The following EOGT variants were observed in gnomAD, a reference collection of about 807,000 sequenced individuals.
The protein encoded by EOGT is EGF domain-specific O-linked N-acetylglucosamine transferase.
In EOGT, 55 loss-of-function variants were observed where a neutral mutation model predicts 70.5. The ratio of observed to expected loss-of-function variants is 0.78; its 90% CI spans 0.63 to 0.98. The LOEUF is 0.98. Among genes scored for constraint, EOGT ranks in the 50% least tolerant of loss-of-function variants. The pLI, the probability that EOGT is intolerant of heterozygous loss-of-function variation, is 0.00. For missense variants in EOGT, 703 were observed against 641.9 expected (o/e 1.10, Z -1.03); for synonymous variants, 246 against 217.1 (o/e 1.13, Z -1.17).
chr3:68,996,093 A>T (rs2091140037), intron 10 of EOGT, among the ~76,000 whole-genome samples: 1 of 152,230 alleles, frequency 6.6e-6, no homozygotes, highest in Admixed American at 6.5e-5. Context: ...GAAGAAAAGA[A>T]AGGGATTGTT....
rs1406985331 is a variant in EOGT at position 68,988,561 on chromosome 3, G to A, written c.941C>T (p.Ala314Val). The part of the protein sequence containing the change: ...YDSKRVCFKE[A>V]VFSLLPRMRY... ...CATGCGGGGGAGTAATGAAAAAACA[G>A]CTTCTTTAAAACATACCTAAGAACA... The change falls in exon 12 of 18, where the codon GCT becomes GTT. Residue 314 changes from alanine (A) to valine (V), a missense_variant. Ala to Val is a moderately conservative substitution (Grantham distance 64, BLOSUM62 0). Coordinates refer to ENST00000383701, the MANE Select transcript of EOGT (RefSeq NM_001278689.2). 1.3e-6 allele frequency: 2 copies of A among 1,531,648 alleles called. No individual in the cohort carries two copies. The highest frequency in any genetic ancestry group is 1.4e-5 in the African/African-American group (1 of 72,800). 94.9% of individuals were successfully genotyped at this position (1,531,648 alleles called of 1,614,324 possible).
At chr3:68,983,441 C>T (rs1307898247) in intron 14 of EOGT, among the ~76,000 whole-genome samples, 1 of 152,226 alleles carries the variant, frequency 6.6e-6, no homozygotes, top group Non-Finnish European at 1.5e-5. Context: ...AGTAACAAAG[C>T]ATTGTTAATC....
chr3:68,992,977 G>A (rs1384009132), intron 10 of EOGT, among the ~76,000 whole-genome samples: 2 of 152,210 alleles, frequency 1.3e-5, no homozygotes, highest in Non-Finnish European at 2.9e-5. Flanking sequence ...AAGTCCCTAG[G>A]CTGCATACAG....
chr3:68,980,218 T>C (rs13072064), intron 15 of EOGT, among the ~76,000 whole-genome samples: 18,436 of 152,260 alleles, frequency 0.12, 1,356 homozygotes, highest in Middle Eastern at 0.22. Flanking sequence ...TAAAGAGATG[T>C]TGTGACACAC....
chr3:68,976,172 T>A lies in EOGT; in HGVS notation c.*1446A>T, dbSNP rs1456925127. Reference sequence around the variant, plus strand: ...TTTTAGAGCTTCTTTTTCACTTTCATTGAATAAGTCACATGTCTTTAGTTT... The same window carrying A: ...TTTTAGAGCTTCTTTTTCACTTTCAATGAATAAGTCACATGTCTTTAGTTT... On this transcript the variant is annotated 3_prime_UTR_variant, in exon 18 of 18. Transcript: ENST00000383701. 1 of 152,218 alleles carries A rather than the reference T, an allele frequency of 6.6e-6. No homozygotes were observed. The highest frequency in any genetic ancestry group is 1.5e-5 in the Non-Finnish European group (1 of 68,034). The allele number at this position is 152,218 out of a possible 1,614,324, so 9.4% of individuals were successfully genotyped here.
chr3:68,977,478 T>G lies in EOGT; in HGVS notation c.*140A>C. On this transcript the variant is annotated 3_prime_UTR_variant, in exon 18 of 18. Transcript: ENST00000383701. ...AAACACTTAACATCTATACAACACA[T>G]AACAATATCCTGAAGGTATGTTTTG... The G allele has an allele frequency of 2.4e-6, 2 of 827,444 alleles. No homozygotes were observed. Among genetic ancestry groups the G allele is most frequent in the Non-Finnish European group, 3.8e-6 (2 of 522,754 alleles). The allele number at this position is 827,444 out of a possible 1,614,324, so 51.3% of individuals were successfully genotyped here. A position where few individuals can be genotyped will look rare whatever the true frequency, so the allele number is the denominator to read the frequency against.
intron 10 of EOGT, among the ~76,000 whole-genome samples, chr3:68,994,723 G>A (rs916979810): frequency 2.0e-5 from 3 of 152,148 alleles, no homozygotes; most frequent in African/African-American, 7.2e-5. Flanking sequence ...CCTGGGAAGC[G>A]GAAGTTGCAG....
At chr3:69,013,486 G>GCTACCA (rs2091631434) in intron 1 of EOGT, 88 bp downstream of exon 1, 1 of 152,452 alleles carries the variant, frequency 6.6e-6, no homozygotes, top group Non-Finnish European at 1.5e-5. Flanking sequence ...GCCGGGAGCG[G>GCTACCA]CTACCACCCG....
chr3:69,012,214 T>G (rs2091594077), intron 2 of EOGT, among the ~76,000 whole-genome samples: 1 of 152,138 alleles, frequency 6.6e-6, no homozygotes, highest in South Asian at 2.1e-4. Flanking sequence ...TCGGACCAGA[T>G]TCCAATGGGG....
chr3:68,985,151 G>C (rs1251381500), intron 14 of EOGT, among the ~76,000 whole-genome samples: 2 of 152,114 alleles, frequency 1.3e-5, no homozygotes, highest in Non-Finnish European at 1.5e-5. Flanking sequence ...AATATGTATG[G>C]TCTATACCAA....
chr3:69,000,332 C>T (rs1056640283), intron 9 of EOGT, among the ~76,000 whole-genome samples: 1 of 152,252 alleles, frequency 6.6e-6, no homozygotes, highest in East Asian at 1.9e-4. Context: ...ATTATTCTCA[C>T]TTTATATACT....
intron 10 of EOGT, among the ~76,000 whole-genome samples, chr3:68,996,694 C>A (rs893485523): frequency 6.6e-6 from 1 of 152,216 alleles, no homozygotes; most frequent in African/African-American, 2.4e-5. Flanking sequence ...ACTGCTAGCA[C>A]TCCCTCTGGA....
chr3:68,999,528 T>C (rs867601555), intron 9 of EOGT, among the ~76,000 whole-genome samples: 1 of 152,208 alleles, frequency 6.6e-6, no homozygotes, highest in East Asian at 1.9e-4. Context: ...TCTGACTTCA[T>C]TCCCACAGTG....
rs1297074669 is a variant in EOGT at position 69,001,529 on chromosome 3, A to G, written c.727+79T>C. The G allele has an allele frequency of 5.3e-6, 5 of 945,558 alleles. No homozygotes were observed. The East Asian group carries it at 1.1e-4, about 20-fold the overall frequency. 58.6% of individuals were successfully genotyped at this position (945,558 alleles called of 1,614,324 possible). ...TTGTCATACTGCTTCCAAAAAATTCAGAGAGAATTACTACATCCAAAAAAA... is the reference window on the plus strand; with the variant it reads ...TTGTCATACTGCTTCCAAAAAATTCGGAGAGAATTACTACATCCAAAAAAA... On this transcript the variant is annotated intron_variant, in intron 9 of 17. Coordinates refer to ENST00000383701, the MANE Select transcript of EOGT (RefSeq NM_001278689.2).
intron 10 of EOGT, among the ~76,000 whole-genome samples, chr3:68,996,141 CTG>C (rs2091141549): frequency 6.6e-6 from 1 of 152,068 alleles, no homozygotes; most frequent in African/African-American, 2.4e-5. Context: ...AGAAATGAAA[CTG>C]TGGTGGCAGC....
intron 4 of EOGT, 63 bp downstream of exon 4, chr3:69,009,574 G>T (rs2091518565): frequency 6.8e-6 from 9 of 1,319,214 alleles, no homozygotes; most frequent in Non-Finnish European, 9.7e-6. Context: ...TTATAAAGCA[G>T]AACCTGTAAG....
chr3:69,004,531 C>A, intron 7 of EOGT, 49 bp from the exon 8 acceptor site: 1 of 1,317,708 alleles, frequency 7.6e-7, no homozygotes, highest in African/African-American at 1.5e-5. Flanking sequence ...GTCTTCATGA[C>A]CCAAGCACGT....
chr3:68,997,312 A>G (rs184240508), intron 10 of EOGT, among the ~76,000 whole-genome samples: 1 of 152,342 alleles, frequency 6.6e-6, no homozygotes, highest in East Asian at 1.9e-4. Context: ...CAAAAGGCCA[A>G]ACAGTAAACA....
At chr3:68,981,622 CA>C (rs1214335137) in intron 15 of EOGT, among the ~76,000 whole-genome samples, 2 of 152,074 alleles carry the variant, frequency 1.3e-5, no homozygotes, top group East Asian at 3.9e-4. Context: ...AGGAATTACC[CA>C]AACTGTGAAT....
Sources: allele counts gnomAD v4.1 joint callset (sites outside exome capture counted in the v4.1 genomes callset), GRCh38; gene constraint gnomAD v4.1.1; transcripts MANE v1.5; gene names NCBI Gene and HGNC (gene_info 2026-07-23, HGNC 2026-07-21).